The following STAM2 variants were observed in gnomAD, a reference collection of about 807,000 sequenced individuals.
The protein encoded by STAM2 is signal transducing adaptor molecule 2.
A neutral mutation model predicts 65.6 loss-of-function variants in STAM2; 51 were observed. The observed-to-expected ratio is 0.78, with a 90% CI of 0.62 to 0.98. The LOEUF is 0.98. STAM2 is among the 50% of genes least tolerant of loss of function. The pLI, the probability that STAM2 is intolerant of heterozygous loss-of-function variation, is 0.00. For missense variants in STAM2, 584 were observed against 617.8 expected, an observed-to-expected ratio of 0.95 and a Z score of 0.58; for synonymous variants, 198 against 208.4, an observed-to-expected ratio of 0.95 and a Z score of 0.43.
chr2:152,127,170 C>T (rs1688977809), intron 11 of STAM2, among the ~76,000 whole-genome samples: 1 of 152,154 alleles, frequency 6.6e-6, no homozygotes, highest in African/African-American at 2.4e-5. Context: ...TCAATAAAAC[C>T]CTGCTTTTGT....
intron 1 of STAM2, among the ~76,000 whole-genome samples, chr2:152,165,259 A>T (rs1689755540): frequency 6.6e-6 from 1 of 151,342 alleles, no homozygotes; most frequent in Admixed American, 6.6e-5. Context: ...CCTCGTCTCT[A>T]TTAAAAAAAA....
intron 1 of STAM2, among the ~76,000 whole-genome samples, chr2:152,155,399 A>G (rs974648951): frequency 6.6e-6 from 1 of 152,226 alleles, no homozygotes; most frequent in East Asian, 1.9e-4. Context: ...ACTGCTGAGC[A>G]TACAAATATT....
At chr2:152,170,910 T>C (rs1689886910) in intron 1 of STAM2, among the ~76,000 whole-genome samples, 1 of 151,824 alleles carries the variant, frequency 6.6e-6, no homozygotes, top group Non-Finnish European at 1.5e-5. Flanking sequence ...GCACAAGAAT[T>C]GCTTGAACCT....
Position 152,118,670 on chromosome 2 carries a change from A to G in STAM2, c.*1904T>C, listed in dbSNP as rs1688796616. On this transcript the variant is annotated 3_prime_UTR_variant, in exon 14 of 14. Transcript: ENST00000263904. ...AGTAAGAAATTCCATATATATGCAA[A>G]TGTTGACTATTATCGAGAGCAGCTT... 1 of 151,570 alleles carries G rather than the reference A, an allele frequency of 6.6e-6. No individual in the cohort carries two copies. The highest frequency in any genetic ancestry group is 1.5e-5 in the Non-Finnish European group (1 of 67,830). The allele number at this position is 151,570 out of a possible 1,614,324, so 9.4% of individuals were successfully genotyped here. A position where few individuals can be genotyped will look rare whatever the true frequency, so the allele number is the denominator to read the frequency against.
At chr2:152,147,412 T>G (rs1318292068) in intron 4 of STAM2, 104 bp from the exon 5 acceptor site, 5 of 1,133,234 alleles carry the variant, frequency 4.4e-6, no homozygotes, top group Non-Finnish European at 6.0e-6. Flanking sequence ...TTTAATTATA[T>G]GAACATCAAC....
At chr2:152,147,720 C>A (rs1341419794) in intron 4 of STAM2, among the ~76,000 whole-genome samples, 1 of 152,046 alleles carries the variant, frequency 6.6e-6, no homozygotes, top group Admixed American at 6.6e-5. Context: ...ATCTAACTTC[C>A]AAGAATCTAA....
At position 152,122,057 on chromosome 2, in the gene STAM2, AATATAT is replaced by A. The variant is rs59011840; in HGVS notation, c.1350-1261_1350-1256del. 9.5e-4 allele frequency among the ~76,000 whole-genome samples: 125 copies of A among 131,750 alleles called. 3 individuals carry two copies. In the East Asian group the frequency reaches 0.023, roughly 24 times the overall value. The allele number at this position is 131,750 out of a possible 152,430, so 86.4% of individuals were successfully genotyped here. A position where few individuals can be genotyped will look rare whatever the true frequency, so the allele number is the denominator to read the frequency against. On this transcript the variant is annotated intron_variant, in intron 13 of 13. Transcript: ENST00000263904. ...AGTGAGACTCCGTCCCCAAAAAAAA[AATATAT>A]ATATATATATATATGTGTGTGTGTG...
chr2:152,123,895 T>C lies in STAM2; in HGVS notation c.1220A>G (p.Gln407Arg). 1 of 1,614,170 alleles carries C rather than the reference T, an allele frequency of 6.2e-7. No homozygotes were observed. Among genetic ancestry groups the C allele is most frequent in the Non-Finnish European group, 8.5e-7 (1 of 1,180,006 alleles). Residue 407 changes from glutamine to arginine, a missense_variant, in exon 13 of 14, where the codon CAG (glutamine) becomes CGG (arginine). Coordinates refer to ENST00000263904, the MANE Select transcript of STAM2 (RefSeq NM_005843.6). ...GGCAACAGTTACTTGGTGAATGCTC[T>C]GACCCATATAGTTTCCACCATGTGA... Reference protein sequence around the residue: ...VQSHGGNYMGQSIHQVTVAQS... With the variant: ...VQSHGGNYMGRSIHQVTVAQS...
intron 1 of STAM2, among the ~76,000 whole-genome samples, chr2:152,156,314 C>A (rs1369822269): frequency 1.3e-5 from 2 of 151,956 alleles, no homozygotes; most frequent in Non-Finnish European, 1.5e-5. Context: ...TAATGGCCTG[C>A]CAAAAAGGAC....
rs899992271 is a variant in STAM2, at chr2:152,147,956, T to C, written c.300+68A>G. The C allele has an allele frequency of 1.1e-5, 12 of 1,139,510 alleles. No individual in the cohort carries two copies. The African/African-American group carries it at 1.4e-4, about 13-fold the overall frequency. 70.6% of individuals were successfully genotyped at this position (1,139,510 alleles called of 1,614,324 possible). A position where few individuals can be genotyped will look rare whatever the true frequency, so the allele number is the denominator to read the frequency against. On this transcript the variant is annotated intron_variant, in intron 4 of 13. Coordinates refer to ENST00000263904, the MANE Select transcript of STAM2 (RefSeq NM_005843.6). ...TTTATAATACTTTAGTAATGCCACA[T>C]ATAGTTATAATGACACACAATCTAC... is the stretch of plus-strand genomic sequence containing the variant.
intron 8 of STAM2, 77 bp from the exon 9 acceptor site, chr2:152,133,561 G>C (rs1689104054): frequency 9.2e-7 from 1 of 1,081,198 alleles, no homozygotes; most frequent in Non-Finnish European, 1.4e-6. Flanking sequence ...AGTGGCCTAT[G>C]ATTGTCCATA....
At chr2:152,123,696 C>A in intron 13 of STAM2, 70 bp downstream of exon 13, 1 of 1,410,340 alleles carries the variant, frequency 7.1e-7, no homozygotes, top group South Asian at 1.2e-5. Flanking sequence ...TAATAAGGGT[C>A]TATATATTCT....
chr2:152,166,728 G>A (rs527502806), intron 1 of STAM2, among the ~76,000 whole-genome samples: 13 of 152,112 alleles, frequency 8.5e-5, no homozygotes, highest in African/African-American at 3.1e-4. Context: ...AGTACTGCTG[G>A]GGACAAACCA....
chr2:152,142,795 A>G (rs1394754948), intron 7 of STAM2, among the ~76,000 whole-genome samples: 2 of 152,192 alleles, frequency 1.3e-5, no homozygotes, highest in African/African-American at 2.4e-5. Flanking sequence ...TTCTTTATGG[A>G]AAAAAGATTT....
Position 152,159,094 on chromosome 2 carries a change from CATAT to C in STAM2, c.41-8869_41-8866del, listed in dbSNP as rs10524193. 8.7e-5 allele frequency among the ~76,000 whole-genome samples: 9 copies of C among 103,052 alleles called. 1 individual carries two copies. Among genetic ancestry groups the C allele is most frequent in the South Asian group, 3.3e-4 (1 of 3,054 alleles). 67.6% of individuals were successfully genotyped at this position (103,052 alleles called of 152,430 possible). Reference sequence around the variant, plus strand: ...CAAGAAAAGCTAGCCAAAAAAAAACCATATATATATATATATACACACACAGATA... The same window carrying C: ...CAAGAAAAGCTAGCCAAAAAAAAACCATATATATATATACACACACAGATA... On this transcript the variant is annotated intron_variant, in intron 1 of 13. Transcript: ENST00000263904.
intron 1 of STAM2, among the ~76,000 whole-genome samples, chr2:152,152,534 G>C (rs909505571): frequency 6.6e-6 from 1 of 150,842 alleles, no homozygotes; most frequent in Non-Finnish European, 1.5e-5. Context: ...GGGTGACAGA[G>C]TGAGACTCTG....
At chr2:152,166,379 TAAAG>T (rs1689786001) in intron 1 of STAM2, among the ~76,000 whole-genome samples, 1 of 152,092 alleles carries the variant, frequency 6.6e-6, no homozygotes, top group Non-Finnish European at 1.5e-5. Flanking sequence ...TAACAAGAGA[TAAAG>T]AAATGATATA....
chr2:152,162,087 T>G (rs778955173), intron 1 of STAM2, among the ~76,000 whole-genome samples: 1 of 152,196 alleles, frequency 6.6e-6, no homozygotes, highest in Non-Finnish European at 1.5e-5. Flanking sequence ...CCTCCCAAAG[T>G]GCTGGGATTA....
At chr2:152,158,999 C>T (rs1015940574) in intron 1 of STAM2, among the ~76,000 whole-genome samples, 3 of 149,850 alleles carry the variant, frequency 2.0e-5, no homozygotes, top group South Asian at 4.2e-4. Flanking sequence ...AAAAAAATTG[C>T]CTTTTATCTA....
Sources: gnomAD v4.1 joint callset for allele counts (sites outside exome capture counted in the v4.1 genomes callset) on GRCh38, gnomAD v4.1.1 for gene constraint, MANE v1.5 for transcripts, NCBI Gene and HGNC (gene_info 2026-07-23, HGNC 2026-07-21) for gene names.